The following TRIO variants were observed in gnomAD, a reference collection of about 807,000 sequenced individuals.
TRIO encodes the protein triple functional domain protein.
TRIO carries 58 observed loss-of-function variants against 351.9 expected under a neutral mutation model. The observed-to-expected ratio is 0.16, with a 90% CI of 0.13 to 0.21. The LOEUF (loss-of-function observed/expected upper bound fraction) is 0.21, where lower values mean the gene tolerates loss of function less well. TRIO is among the 10% of genes least tolerant of loss of function. The pLI, the probability that TRIO is intolerant of heterozygous loss-of-function variation, is 1.00. For synonymous variants in TRIO, 1,758 were observed against 1,595.7 expected, an observed-to-expected ratio of 1.10 and a Z score of -2.42; for missense variants, 3,201 against 4,027.8, an observed-to-expected ratio of 0.79 and a Z score of 5.56.
At chr5:14,230,483 A>C (rs1407759693) in intron 1 of TRIO, among the ~76,000 whole-genome samples, 1 of 152,116 alleles carries the variant, frequency 6.6e-6, no homozygotes, top group Non-Finnish European at 1.5e-5. Flanking sequence ...AGGAGCATGC[A>C]GGTGAGGATC....
At chr5:14,424,012 C>A (rs890938) in intron 34 of TRIO, among the ~76,000 whole-genome samples, 74,220 of 149,910 alleles carry the variant, frequency 0.5, 21,671 homozygotes, top group East Asian at 0.89. Context: ...CACTGCACTC[C>A]AGCCTGGACA....
chr5:14,259,789 G>A (rs1204590347), intron 1 of TRIO, among the ~76,000 whole-genome samples: 1 of 148,974 alleles, frequency 6.7e-6, no homozygotes, highest in East Asian at 2.0e-4. Context: ...CAGGTTTTTT[G>A]TTTTTTTTTT....
chr5:14,369,587 C>T (rs1744904913), intron 18 of TRIO, 64 bp downstream of exon 18: 2 of 1,521,996 alleles, frequency 1.3e-6, no homozygotes, highest in East Asian at 2.4e-5. Context: ...GTGCGCGTGG[C>T]ACAGTCATCG....
chr5:14,348,242 A>G (rs186915113), intron 11 of TRIO, among the ~76,000 whole-genome samples: 2 of 152,380 alleles, frequency 1.3e-5, no homozygotes, highest in Admixed American at 6.5e-5. Flanking sequence ...GATATATTCC[A>G]GAATGATCAT....
In TRIO at chr5:14,269,920, T is replaced by TA. The variant is rs149545869; in HGVS notation, c.158-904dup. 6.1e-3 allele frequency among the ~76,000 whole-genome samples: 925 copies of TA among 152,314 alleles called. 13 individuals are homozygous for TA. Among genetic ancestry groups the TA allele is most frequent in the African/African-American group, 0.022 (895 of 41,566 alleles). Reference sequence around the variant, plus strand: ...CTAGAGATTGTTCTGCTAACAGTGTTAGTTACTAGTTTTGGTAGGCATCCC... The same window carrying TA: ...CTAGAGATTGTTCTGCTAACAGTGTTAAGTTACTAGTTTTGGTAGGCATCCC... On this transcript the variant is annotated intron_variant, in intron 1 of 56. Coordinates refer to ENST00000344204, the MANE Select transcript of TRIO (RefSeq NM_007118.4).
chr5:14,498,305 A>G (rs1222787740), intron 52 of TRIO, 54 bp downstream of exon 52: 2 of 1,592,288 alleles, frequency 1.3e-6, no homozygotes, highest in Non-Finnish European at 1.7e-6. Context: ...CCATCTTGTC[A>G]CTTGGCAACT....
intron 34 of TRIO, 143 bp downstream of exon 34, chr5:14,420,164 C>T: frequency 2.4e-6 from 3 of 1,256,262 alleles, no homozygotes; most frequent in Non-Finnish European, 3.3e-6. Context: ...ACTGTCCGGG[C>T]ATTTCCAGTC....
intron 1 of TRIO, among the ~76,000 whole-genome samples, chr5:14,146,311 A>G (rs1229989594): frequency 6.6e-6 from 1 of 152,182 alleles, no homozygotes; most frequent in Non-Finnish European, 1.5e-5. Flanking sequence ...ATAGGTTCTC[A>G]TTGACTGGGG....
intron 18 of TRIO, among the ~76,000 whole-genome samples, chr5:14,372,664 T>G (rs745431945): frequency 6.6e-6 from 1 of 152,236 alleles, no homozygotes; most frequent in Non-Finnish European, 1.5e-5. Flanking sequence ...ATTGTTGCTA[T>G]AGCAACTTCT....
chr5:14,174,892 A>G (rs72742504), intron 1 of TRIO, among the ~76,000 whole-genome samples: 9,336 of 152,276 alleles, frequency 0.061, 370 homozygotes, highest in Middle Eastern at 0.12. Flanking sequence ...ACCTGTGGAT[A>G]CTGCAGATAT....
chr5:14,360,771 G>T (rs1029312076), intron 13 of TRIO, among the ~76,000 whole-genome samples: 3 of 152,212 alleles, frequency 2.0e-5, no homozygotes, highest in East Asian at 3.8e-4. Context: ...GGATGCCTTT[G>T]CTTGGCCACT....
At chr5:14,371,943 A>G (rs1014340143) in intron 18 of TRIO, among the ~76,000 whole-genome samples, 1 of 152,178 alleles carries the variant, frequency 6.6e-6, no homozygotes, top group Non-Finnish European at 1.5e-5. Context: ...CACCTGGCCT[A>G]TAAATGTCTT....
chr5:14,146,515 A>G (rs1787533117), intron 1 of TRIO, among the ~76,000 whole-genome samples: 1 of 152,160 alleles, frequency 6.6e-6, no homozygotes, highest in South Asian at 2.1e-4. Context: ...CAGATTGAAA[A>G]CTAATACCAG....
intron 1 of TRIO, among the ~76,000 whole-genome samples, chr5:14,154,405 G>A (rs2152117379): frequency 6.6e-6 from 1 of 152,266 alleles, no homozygotes; most frequent in African/African-American, 2.4e-5. Flanking sequence ...TAAAATGGTT[G>A]TGGTCACTCC....
chr5:14,443,245 A>G (rs991710695), intron 34 of TRIO, among the ~76,000 whole-genome samples: 1 of 152,196 alleles, frequency 6.6e-6, no homozygotes, highest in Non-Finnish European at 1.5e-5. Context: ...AGAAAAATTG[A>G]TGACCCGTGT....
At chr5:14,240,858 G>A (rs1379147474) in intron 1 of TRIO, among the ~76,000 whole-genome samples, 1 of 152,048 alleles carries the variant, frequency 6.6e-6, no homozygotes, top group Admixed American at 6.5e-5. Context: ...TTTAACTATT[G>A]AGATGGTATT....
chr5:14,401,632 G>A (rs2152375941), intron 31 of TRIO, among the ~76,000 whole-genome samples: 1 of 152,312 alleles, frequency 6.6e-6, no homozygotes, highest in Non-Finnish European at 1.5e-5. Flanking sequence ...AGGGTATATA[G>A]TCTTTGGGGG....
intron 10 of TRIO, among the ~76,000 whole-genome samples, chr5:14,331,353 CTT>C (rs1207646318): frequency 6.6e-6 from 1 of 152,140 alleles, no homozygotes; most frequent in Non-Finnish European, 1.5e-5. Context: ...GGCCGCCTGA[CTT>C]TGGACAAGTC....
chr5:14,383,649 G>C (rs1746305384), intron 21 of TRIO, among the ~76,000 whole-genome samples: 8 of 152,164 alleles, frequency 5.3e-5, no homozygotes, highest in Admixed American at 5.2e-4. Flanking sequence ...TGGGTTTATT[G>C]AATTGGTTAT....
Sources: gnomAD v4.1 joint callset for allele counts (sites outside exome capture counted in the v4.1 genomes callset) on GRCh38, gnomAD v4.1.1 for gene constraint, MANE v1.5 for transcripts, NCBI Gene and HGNC (gene_info 2026-07-23, HGNC 2026-07-21) for gene names.